The following CREB1 variants were observed in gnomAD, a reference collection of about 807,000 sequenced individuals.
CREB1 encodes the protein cyclic AMP-responsive element-binding protein 1.
In CREB1, 2 loss-of-function variants were observed where a neutral mutation model predicts 42.0. The ratio of observed to expected loss-of-function variants is 0.05; its 90% CI spans 0.02 to 0.15. The LOEUF is 0.15. Among genes scored for constraint, CREB1 ranks in the 10% least tolerant of loss-of-function variants. The pLI is 1.00. For missense variants in CREB1, 199 were observed against 388.9 expected (o/e 0.51, Z 4.11); for synonymous variants, 123 against 139.9 (o/e 0.88, Z 0.85).
intron 1 of CREB1, among the ~76,000 whole-genome samples, chr2:207,535,832 A>G (rs1327885387): frequency 6.7e-6 from 1 of 148,342 alleles, no homozygotes; most frequent in Non-Finnish European, 1.5e-5. Context: ...TTATTTATTT[A>G]TTTTTTTGAG....
At chr2:207,574,183 C>T (rs1442697602) in intron 5 of CREB1, among the ~76,000 whole-genome samples, 1 of 152,216 alleles carries the variant, frequency 6.6e-6, no homozygotes, top group East Asian at 1.9e-4. Context: ...TTTCCCATAG[C>T]TGGTGGATAA....
At chr2:207,584,203 T>G (rs1263359301) in intron 7 of CREB1, among the ~76,000 whole-genome samples, 1 of 152,250 alleles carries the variant, frequency 6.6e-6, no homozygotes, top group Non-Finnish European at 1.5e-5. Context: ...TGTAACTAAC[T>G]GTATATTTAA....
intron 5 of CREB1, among the ~76,000 whole-genome samples, chr2:207,571,022 C>CTTTTTTTTTTTTTTTTTTTTT (rs71036933): frequency 7.3e-5 from 5 of 68,418 alleles, no homozygotes; most frequent in Non-Finnish European, 1.3e-4. Context: ...CTCTTTTTCC[C>CTTTTTTTTTTTTTTTTTTTTT]TTTTTTTTTT....
At chr2:207,544,022 C>A (rs923451504) in intron 1 of CREB1, among the ~76,000 whole-genome samples, 2 of 152,096 alleles carry the variant, frequency 1.3e-5, no homozygotes, top group Admixed American at 6.6e-5. Flanking sequence ...TGGGTTCATG[C>A]CATTCTCCTG....
At chr2:207,556,253 C>T (rs2709402) in intron 2 of CREB1, among the ~76,000 whole-genome samples, 3 of 151,984 alleles carry the variant, frequency 2.0e-5, no homozygotes, top group African/African-American at 7.2e-5. Flanking sequence ...TCTTTCATTT[C>T]ATCTTTCTCT....
intron 1 of CREB1, among the ~76,000 whole-genome samples, chr2:207,552,697 C>A (rs1289291721): frequency 6.6e-6 from 1 of 151,796 alleles, no homozygotes; most frequent in Non-Finnish European, 1.5e-5. Flanking sequence ...CCTCCGCCTC[C>A]CGGGTTCAAG....
rs2087601807 is a variant in CREB1 at position 207,604,001 on chromosome 2, AATTTC to A, written c.*6948_*6952del. 1.3e-5 allele frequency among the ~76,000 whole-genome samples: 2 copies of A among 152,188 alleles called. No individual in the cohort carries two copies. Among genetic ancestry groups the A allele is most frequent in the South Asian group, 4.1e-4 (2 of 4,830 alleles). On this transcript the variant is annotated 3_prime_UTR_variant, in exon 8 of 8. Transcript: ENST00000353267. ...TGCCATTGTATTGGAAGGCTTAATG[AATTTC>A]ATTTATTTTCTGCAACAACGATTAC...
At chr2:207,532,105 C>G (rs1180753559) in intron 1 of CREB1, among the ~76,000 whole-genome samples, 1 of 151,940 alleles carries the variant, frequency 6.6e-6, no homozygotes, top group Non-Finnish European at 1.5e-5. Flanking sequence ...CCTGTAATCC[C>G]AGCACTTGGG....
At chr2:207,596,552 G>T (rs983455370) in intron 7 of CREB1, among the ~76,000 whole-genome samples, 1 of 152,170 alleles carries the variant, frequency 6.6e-6, no homozygotes, top group African/African-American at 2.4e-5. Flanking sequence ...CCATGGCTCA[G>T]CCTTCCAAGT....
rs2086531668 is a variant in CREB1, at chr2:207,598,486, T to A, written c.*1428T>A. Reference sequence around the variant, plus strand: ...GCTCGATAAATCTAACAGTTACTCTTAAAAAAAAAAAAAAAAGACTAAGGT... The same window carrying A: ...GCTCGATAAATCTAACAGTTACTCTAAAAAAAAAAAAAAAAAGACTAAGGT... On this transcript the variant is annotated 3_prime_UTR_variant, in exon 8 of 8. Transcript: ENST00000353267. The A allele has an allele frequency of 1.2e-5, 2 of 166,718 alleles. No individual in the cohort carries two copies. The highest frequency in any genetic ancestry group is 1.3e-5 in the Non-Finnish European group (1 of 78,208). The allele number at this position is 166,718 out of a possible 1,614,324, so 10.3% of individuals were successfully genotyped here.
chr2:207,569,169 T>A (rs1409575277), intron 4 of CREB1, among the ~76,000 whole-genome samples: 3 of 152,206 alleles, frequency 2.0e-5, no homozygotes. Context: ...TTTTTCCTTT[T>A]TATTTGTTTT....
At chr2:207,540,717 T>G (rs1251828119) in intron 1 of CREB1, among the ~76,000 whole-genome samples, 2 of 150,628 alleles carry the variant, frequency 1.3e-5, no homozygotes, top group Non-Finnish European at 3.0e-5. Context: ...CTTAGATTCT[T>G]TTATTGCTTT....
rs569654299 is a variant in CREB1, at chr2:207,577,669, A to G, written c.839+14A>G. 4 of 1,613,318 alleles carry G rather than the reference A, an allele frequency of 2.5e-6. No individual in the cohort carries two copies. The African/African-American group carries it at 5.3e-5, about 22-fold the overall frequency. On this transcript the variant is annotated intron_variant, in intron 7 of 7. Coordinates refer to ENST00000353267, the MANE Select transcript of CREB1 (RefSeq NM_004379.5). ...AATGAAGAACAGGTACAAATACTGC[A>G]TTTACTTAGATTGTTATGTGTTAAG... is the stretch of plus-strand genomic sequence containing the variant.
intron 1 of CREB1, among the ~76,000 whole-genome samples, chr2:207,541,482 T>C (rs2081097628): frequency 6.6e-6 from 1 of 152,216 alleles, no homozygotes; most frequent in Admixed American, 6.5e-5. Flanking sequence ...TTCCCCACAG[T>C]GTTCAGTACA....
At chr2:207,560,717 A>T (rs115146500) in intron 3 of CREB1, among the ~76,000 whole-genome samples, 1 of 152,226 alleles carries the variant, frequency 6.6e-6, no homozygotes, top group East Asian at 1.9e-4. Flanking sequence ...TAATTTTCTA[A>T]ATCTGCAATT....
chr2:207,592,818 C>G (rs545679986), intron 7 of CREB1, among the ~76,000 whole-genome samples: 120 of 151,248 alleles, frequency 7.9e-4, no homozygotes, highest in African/African-American at 2.8e-3. Context: ...GAGGCTGAGG[C>G]AAGGGAATTG....
At chr2:207,561,466 T>C (rs945459953) in intron 3 of CREB1, among the ~76,000 whole-genome samples, 3 of 152,128 alleles carry the variant, frequency 2.0e-5, no homozygotes, top group African/African-American at 7.2e-5. Context: ...GCTAAAATAT[T>C]CTTCTCTGTG....
rs577610531 is a variant in CREB1, at chr2:207,603,476, T to G, written c.*6418T>G. 6.3e-5 allele frequency: 14 copies of G among 220,748 alleles called. No homozygotes were observed. The highest frequency in any genetic ancestry group is 1.7e-4 in the Admixed American group (3 of 17,342). 13.7% of individuals were successfully genotyped at this position (220,748 alleles called of 1,614,324 possible). A position where few individuals can be genotyped will look rare whatever the true frequency, so the allele number is the denominator to read the frequency against. The stretch of plus-strand genomic sequence containing the variant: ...GATGGGATCTCTATATTTTGTTGGG[T>G]TTTTTTTGCTAGTAGTGTGAAGCCA... On this transcript the variant is annotated 3_prime_UTR_variant, in exon 8 of 8. Coordinates refer to ENST00000353267, the MANE Select transcript of CREB1 (RefSeq NM_004379.5).
chr2:207,581,856 T>C (rs532792411), intron 7 of CREB1: 1 of 702,970 alleles, frequency 1.4e-6, no homozygotes, highest in South Asian at 1.5e-5. Flanking sequence ...TGAAAGTTTG[T>C]TTCCTTGTCT....
Sources: gnomAD v4.1 joint callset for allele counts (sites outside exome capture counted in the v4.1 genomes callset) on GRCh38, gnomAD v4.1.1 for gene constraint, MANE v1.5 for transcripts, NCBI Gene and HGNC (gene_info 2026-07-23, HGNC 2026-07-21) for gene names.